DLEC1: variants seen among roughly 807,000 people sequenced by gnomAD.
DLEC1 encodes DLEC1 cilia and flagella associated protein.
In DLEC1, 146 loss-of-function variants were observed where a neutral mutation model predicts 198.1. That is an observed-to-expected ratio of 0.74 (90% CI 0.64 to 0.85). DLEC1 has a LOEUF of 0.85. DLEC1 is among the 40% of genes least tolerant of loss of function. DLEC1 has a pLI of 0.00. For missense variants in DLEC1, 2,233 were observed against 2,220.0 expected (o/e 1.01, Z -0.12); for synonymous variants, 897 against 866.8 (o/e 1.03, Z -0.61).
Position 38,117,097 on chromosome 3 carries a change from C to A in DLEC1, c.4302C>A (p.Ser1434Arg). Residue 1434 changes from serine to arginine, a missense_variant, in exon 30 of 37, where the codon AGC (serine) becomes AGA (arginine). By Grantham distance (110) the Ser-to-Arg change is moderately radical. Coordinates refer to ENST00000308059, the MANE Select transcript of DLEC1 (RefSeq NM_007335.4). Reference protein sequence around the residue: ...GYALGFMSLDSKVEREIPGKR... With the variant: ...GYALGFMSLDRKVEREIPGKR... ...CCCTGGGTTTCATGAGCTTGGACAG[C>A]AAGGTGAGCTCTTCCGGCCTGGGGT... is the stretch of plus-strand genomic sequence containing the variant. 1 of 1,614,042 alleles carries A rather than the reference C, an allele frequency of 6.2e-7. No individual in the cohort carries two copies. Among genetic ancestry groups the A allele is most frequent in the Non-Finnish European group, 8.5e-7 (1 of 1,179,958 alleles).
At chr3:38,060,289 G>C (rs763557403) in intron 3 of DLEC1, among the ~76,000 whole-genome samples, 1 of 152,230 alleles carries the variant, frequency 6.6e-6, no homozygotes, top group Non-Finnish European at 1.5e-5. Flanking sequence ...GAGGCAGAGA[G>C]GGTGTGTACA....
At chr3:38,109,140 G>C (rs545071230) in intron 21 of DLEC1, among the ~76,000 whole-genome samples, 1 of 152,350 alleles carries the variant, frequency 6.6e-6, no homozygotes, top group African/African-American at 2.4e-5. Context: ...TAGGGTAGCA[G>C]CTTCATCAGA....
intron 12 of DLEC1, among the ~76,000 whole-genome samples, chr3:38,094,578 GA>G (rs1055438815): frequency 4.6e-5 from 7 of 152,356 alleles, no homozygotes; most frequent in African/African-American, 1.7e-4. Context: ...CCACTTTAAT[GA>G]TTGGAACATG....
intron 32 of DLEC1, 75 bp downstream of exon 32, chr3:38,117,686 C>G (rs920292040): frequency 6.2e-7 from 1 of 1,607,464 alleles, no homozygotes; most frequent in East Asian, 2.2e-5. Flanking sequence ...TTGTGGGACT[C>G]AGGCCTTATA....
chr3:38,060,758 G>A lies in DLEC1; in HGVS notation c.673+906G>A, dbSNP rs150374263. On this transcript the variant is annotated intron_variant, in intron 3 of 36. Transcript: ENST00000308059. ...TGTCCAGGCTAGAGTGCAATGGCACGATCTTGGCTCACCACAACCTCCATC... is the reference window on the plus strand; with the variant it reads ...TGTCCAGGCTAGAGTGCAATGGCACAATCTTGGCTCACCACAACCTCCATC... Among the ~76,000 whole-genome samples, 577 of 151,746 alleles carry A rather than the reference G, an allele frequency of 3.8e-3. 5 individuals carry two copies. Among genetic ancestry groups the A allele is most frequent in the African/African-American group, 0.013 (549 of 41,358 alleles).
At chr3:38,111,859 C>G (rs562263607) in intron 24 of DLEC1, 112 bp downstream of exon 24, 1 of 1,226,556 alleles carries the variant, frequency 8.2e-7, no homozygotes, top group African/African-American at 1.5e-5. Context: ...AGAGACTGCT[C>G]TCAGATGGCC....
At chr3:38,096,035 G>A (rs1295190683) in intron 14 of DLEC1, 89 bp downstream of exon 14, 1 of 1,504,256 alleles carries the variant, frequency 6.6e-7, no homozygotes, top group Non-Finnish European at 9.2e-7. Context: ...CAGGTGAGGG[G>A]GAGTGGGCAG....
rs746716451 is a variant in DLEC1 at position 38,115,010 on chromosome 3, C to A, written c.3813C>A (p.Asp1271Glu). The change falls in exon 27 of 37, where the codon GAC (aspartate) becomes GAA (glutamate). Residue 1271 changes from aspartate (D) to glutamate (E), a missense_variant. Coordinates refer to ENST00000308059, the MANE Select transcript of DLEC1 (RefSeq NM_007335.4). ...MRFGTQVSGG[D>E]TVTRTLRLNN... The stretch of plus-strand genomic sequence containing the variant: ...TCGGCACCCAGGTCTCCGGAGGAGA[C>A]ACAGTTACCCGAACCCTTCGCCTGA... The A allele has an allele frequency of 6.2e-7, 1 of 1,613,872 alleles. No homozygotes were observed. The highest frequency in any genetic ancestry group is 1.7e-5 in the Admixed American group (1 of 59,990).
At chr3:38,120,634 TGGA>T (rs748459796) in intron 34 of DLEC1, 25 bp downstream of exon 34, 5 of 1,611,642 alleles carry the variant, frequency 3.1e-6, no homozygotes, top group South Asian at 2.2e-5. Context: ...CACCTACATG[TGGA>T]GGAGGGTGGA....
intron 23 of DLEC1, among the ~76,000 whole-genome samples, chr3:38,110,797 TATACACACACATGC>T (rs1699826470): frequency 2.0e-5 from 3 of 151,700 alleles, no homozygotes; most frequent in Admixed American, 1.3e-4. Flanking sequence ...CACACGTACA[TATACACACACATGC>T]ATACACACAT....
chr3:38,116,532 A>C lies in DLEC1; in HGVS notation c.3936A>C (p.Pro1312=), dbSNP rs775890918. The change falls in exon 28 of 37, where the codon CCA becomes CCC. Residue 1312 remains proline, a synonymous_variant. Coordinates refer to ENST00000308059, the MANE Select transcript of DLEC1 (RefSeq NM_007335.4). ...RLVELLVFYG[P]PFPLRDQAGN... is the part of the protein sequence containing the mutation. Reference sequence around the variant, plus strand: ...TGGAGCTGCTGGTGTTTTATGGGCCACCTTTCCCGCTGCGGGACCAAGCCG... The same window carrying C: ...TGGAGCTGCTGGTGTTTTATGGGCCCCCTTTCCCGCTGCGGGACCAAGCCG... 1 of 1,613,858 alleles carries C rather than the reference A, an allele frequency of 6.2e-7. No individual in the cohort carries two copies.
chr3:38,083,043 T>C (rs571004968), intron 6 of DLEC1, among the ~76,000 whole-genome samples: 1 of 151,350 alleles, frequency 6.6e-6, no homozygotes. Flanking sequence ...GGCACCAAGA[T>C]TGAAAGGAGA....
rs913185520 is a variant in DLEC1, at chr3:38,079,106, C to A, written c.1174-5052C>A. On this transcript the variant is annotated intron_variant, in intron 6 of 36. Coordinates refer to ENST00000308059, the MANE Select transcript of DLEC1 (RefSeq NM_007335.4). Reference sequence around the variant, plus strand: ...GTCGCCAAGGAGGGAGTAGAGGTATCTTATACTTGTGGGTTAAGGTGGGGG... The same window carrying A: ...GTCGCCAAGGAGGGAGTAGAGGTATATTATACTTGTGGGTTAAGGTGGGGG... 2.8e-4 allele frequency among the ~76,000 whole-genome samples: 42 copies of A among 152,050 alleles called. No homozygotes were observed. In the South Asian group the frequency reaches 6.9e-3, roughly 25 times the overall value.
chr3:38,100,550 C>G, intron 19 of DLEC1, 125 bp downstream of exon 19: 1 of 1,295,460 alleles, frequency 7.7e-7, no homozygotes, highest in Non-Finnish European at 1.0e-6. Flanking sequence ...AATTAGTATT[C>G]TATAAAATTT....
intron 25 of DLEC1, among the ~76,000 whole-genome samples, chr3:38,113,988 G>C (rs1700016963): frequency 6.6e-6 from 1 of 151,930 alleles, no homozygotes; most frequent in Non-Finnish European, 1.5e-5. Context: ...AGAGCCTCAG[G>C]CTTGCCAGGT....
intron 27 of DLEC1, among the ~76,000 whole-genome samples, chr3:38,115,285 G>A (rs1312794360): frequency 4.6e-5 from 7 of 152,216 alleles, no homozygotes; most frequent in Admixed American, 2.6e-4. Context: ...TCCTCCAGCC[G>A]GCAGGACCTG....
chr3:38,106,755 CAAA>C (rs4019982), intron 19 of DLEC1, among the ~76,000 whole-genome samples: 1 of 38,978 alleles, frequency 2.6e-5, no homozygotes. Context: ...GACTCTATCT[CAAA>C]AAAAAAAAAA....
intron 2 of DLEC1, chr3:38,051,619 C>A (rs1701122769): frequency 9.0e-6 from 2 of 221,758 alleles, no homozygotes; most frequent in Admixed American, 4.3e-5. Context: ...TGGCAGGAGA[C>A]AAGGACGGTG....
rs1019669130 is a variant in DLEC1 at position 38,122,541 on chromosome 3, G to A, written c.*129G>A. ...GGACCTCTGGGCAGCTCCTGGAATG[G>A]AAGAACCCCCTTCCACAATGGTCTC... On this transcript the variant is annotated 3_prime_UTR_variant, in exon 37 of 37. Transcript: ENST00000308059. 1.9e-6 allele frequency: 3 copies of A among 1,610,544 alleles called. No individual in the cohort carries two copies. The highest frequency in any genetic ancestry group is 2.5e-6 in the Non-Finnish European group (3 of 1,179,296).
Sources: allele counts gnomAD v4.1 joint callset (sites outside exome capture counted in the v4.1 genomes callset), GRCh38; gene constraint gnomAD v4.1.1; transcripts MANE v1.5; gene names NCBI Gene and HGNC (gene_info 2026-07-23, HGNC 2026-07-21).